Variants in UGGT2 observed in about 807,000 individuals in gnomAD.
The protein encoded by UGGT2 is UDP-glucose:glycoprotein glucosyltransferase 2.
A neutral mutation model predicts 192.1 loss-of-function variants in UGGT2; 180 were observed. The ratio of observed to expected loss-of-function variants is 0.94; its 90% CI spans 0.83 to 1.06. The LOEUF is 1.06. Among genes scored for constraint, UGGT2 ranks in the 50% least tolerant of loss-of-function variants. The pLI, the probability that UGGT2 is intolerant of heterozygous loss-of-function variation, is 0.00. For synonymous variants in UGGT2, 580 were observed against 591.0 expected (o/e 0.98, Z 0.27); for missense variants, 1,849 against 1,795.7 (o/e 1.03, Z -0.54).
intron 15 of UGGT2, among the ~76,000 whole-genome samples, chr13:95,945,161 T>C (rs1173410453): frequency 6.6e-6 from 1 of 152,054 alleles, no homozygotes; most frequent in Non-Finnish European, 1.5e-5. Flanking sequence ...ACTTTAATAT[T>C]TGCTATTTGT....
chr13:96,014,409 C>G (rs1446377454), intron 4 of UGGT2, among the ~76,000 whole-genome samples: 1 of 152,196 alleles, frequency 6.6e-6, no homozygotes, highest in Admixed American at 6.5e-5. Context: ...GGATTCAATT[C>G]TAGCTTAACT....
chr13:95,965,951 A>C (rs1165371030), intron 12 of UGGT2, among the ~76,000 whole-genome samples: 1 of 152,170 alleles, frequency 6.6e-6, no homozygotes, highest in Admixed American at 6.5e-5. Flanking sequence ...CTGGGAATGT[A>C]AACTAGTATA....
At chr13:95,992,214 A>G (rs2051480332) in intron 7 of UGGT2, among the ~76,000 whole-genome samples, 1 of 152,170 alleles carries the variant, frequency 6.6e-6, no homozygotes, top group Admixed American at 6.5e-5. Context: ...TTTAGAATAG[A>G]TTCCTCTAAT....
intron 6 of UGGT2, among the ~76,000 whole-genome samples, chr13:95,997,530 C>T (rs2051663212): frequency 6.6e-6 from 1 of 152,096 alleles, no homozygotes; most frequent in African/African-American, 2.4e-5. Flanking sequence ...GTAATCCCAG[C>T]TACTCAGGAG....
intron 33 of UGGT2, among the ~76,000 whole-genome samples, chr13:95,858,910 T>C (rs1889887355): frequency 6.6e-6 from 1 of 152,206 alleles, no homozygotes; most frequent in Non-Finnish European, 1.5e-5. Context: ...TGGCTAGTTT[T>C]ACTTCTGTTT....
Position 95,827,286 on chromosome 13 carries a change from G to A in UGGT2, c.4528+5641C>T, listed in dbSNP as rs1347904643. The stretch of plus-strand genomic sequence containing the variant: ...AAATTTACAAGAATTCTAACTTCTG[G>A]TATCTCCAAATGTATCCTTATTTGG... On this transcript the variant is annotated intron_variant, in intron 38 of 38. Coordinates refer to ENST00000376747, the MANE Select transcript of UGGT2 (RefSeq NM_020121.4). 3.9e-5 allele frequency among the ~76,000 whole-genome samples: 6 copies of A among 152,108 alleles called. No individual in the cohort carries two copies. In the East Asian group the frequency reaches 7.7e-4, roughly 20 times the overall value.
At chr13:95,912,132 A>C (rs1356228363) in intron 20 of UGGT2, among the ~76,000 whole-genome samples, 1 of 152,238 alleles carries the variant, frequency 6.6e-6, no homozygotes, top group Non-Finnish European at 1.5e-5. Context: ...CCAATATCAT[A>C]CTGAATGGGC....
chr13:95,826,708 G>C lies in UGGT2; in HGVS notation c.4528+6219C>G, dbSNP rs142642430. ...GAGGAAAACTGGACTTGAATATATA[G>C]AAAGACAATGTATTCTGAGACAGTA... On this transcript the variant is annotated intron_variant, in intron 38 of 38. Transcript: ENST00000376747. Among the ~76,000 whole-genome samples, 487 of 151,808 alleles carry C rather than the reference G, an allele frequency of 3.2e-3. 3 individuals carry two copies. The highest frequency in any genetic ancestry group is 0.011 in the African/African-American group (465 of 41,430).
intron 17 of UGGT2, among the ~76,000 whole-genome samples, chr13:95,931,470 G>C (rs1039189778): frequency 1.3e-5 from 2 of 152,064 alleles, no homozygotes; most frequent in African/African-American, 4.8e-5. Flanking sequence ...CAATGGGACT[G>C]GGCGCCGCGG....
intron 22 of UGGT2, among the ~76,000 whole-genome samples, chr13:95,897,624 A>C (rs1435545517): frequency 6.6e-6 from 1 of 152,194 alleles, no homozygotes; most frequent in Non-Finnish European, 1.5e-5. Flanking sequence ...TCTGATTCCA[A>C]ATTTTTATAA....
chr13:95,872,362 A>C (rs1335387972), intron 29 of UGGT2, among the ~76,000 whole-genome samples: 1 of 152,212 alleles, frequency 6.6e-6, no homozygotes, highest in Non-Finnish European at 1.5e-5. Flanking sequence ...AAAATCAAAT[A>C]ATTTAGCCAT....
chr13:96,006,074 A>T (rs995376628), intron 5 of UGGT2, among the ~76,000 whole-genome samples: 2 of 152,246 alleles, frequency 1.3e-5, no homozygotes, highest in Non-Finnish European at 2.9e-5. Flanking sequence ...AAGTCTGAAG[A>T]GACAAATCAA....
intron 33 of UGGT2, among the ~76,000 whole-genome samples, chr13:95,858,731 G>C (rs1477812228): frequency 6.6e-6 from 1 of 152,256 alleles, no homozygotes; most frequent in East Asian, 1.9e-4. Context: ...CTTATAGTAA[G>C]TTATTGAATC....
intron 10 of UGGT2, among the ~76,000 whole-genome samples, chr13:95,983,127 G>A (rs1387103491): frequency 6.6e-6 from 1 of 152,154 alleles, no homozygotes; most frequent in Non-Finnish European, 1.5e-5. Context: ...CCTCACCAAT[G>A]AGATAGAAAC....
intron 2 of UGGT2, among the ~76,000 whole-genome samples, chr13:96,024,697 C>A (rs1445946396): frequency 1.3e-5 from 2 of 152,146 alleles, no homozygotes; most frequent in Non-Finnish European, 2.9e-5. Flanking sequence ...CATCTTGGCA[C>A]TGGGTTATCA....
At chr13:95,953,163 T>C (rs1331420460) in intron 12 of UGGT2, among the ~76,000 whole-genome samples, 2 of 152,218 alleles carry the variant, frequency 1.3e-5, no homozygotes, top group Admixed American at 1.3e-4. Context: ...AAGCTGGCTG[T>C]AATAAAAGAT....
At chr13:96,004,221 A>G (rs1713907508) in intron 5 of UGGT2, among the ~76,000 whole-genome samples, 1 of 152,070 alleles carries the variant, frequency 6.6e-6, no homozygotes, top group African/African-American at 2.4e-5. Context: ...TTTATTTTTA[A>G]TTATTATGGA....
rs150579397 is a variant in UGGT2 at position 96,048,565 on chromosome 13, G to C, written c.158+4590C>G. Among the ~76,000 whole-genome samples, 1,287 of 152,114 alleles carry C rather than the reference G, an allele frequency of 8.5e-3. 20 individuals carry two copies. The highest frequency in any genetic ancestry group is 0.029 in the African/African-American group (1,222 of 41,494). ...AATTCAGGAGCTGGTTTTTTGAAAA[G>C]ATCAACAAAATTGATAGACCGCTAG... On this transcript the variant is annotated intron_variant, in intron 1 of 38. Transcript: ENST00000376747.
intron 12 of UGGT2, among the ~76,000 whole-genome samples, chr13:95,950,872 A>G (rs1398078035): frequency 6.6e-6 from 1 of 152,164 alleles, no homozygotes; most frequent in East Asian, 1.9e-4. Flanking sequence ...CTGTTATAGT[A>G]ACTAAACTAC....
Sources: gnomAD v4.1 joint callset for allele counts (sites outside exome capture counted in the v4.1 genomes callset) on GRCh38, gnomAD v4.1.1 for gene constraint, MANE v1.5 for transcripts, NCBI Gene and HGNC (gene_info 2026-07-23, HGNC 2026-07-21) for gene names.